MATN2: variants seen among roughly 807,000 people sequenced by gnomAD.
The protein encoded by MATN2 is matrilin 2.
Under a neutral mutation model 103.2 loss-of-function variants are expected in MATN2, and 69 were observed. The observed-to-expected ratio is 0.67, with a 90% CI of 0.55 to 0.82. The LOEUF (loss-of-function observed/expected upper bound fraction) is 0.82, where lower values mean the gene tolerates loss of function less well. Among genes scored for constraint, MATN2 ranks in the 40% least tolerant of loss-of-function variants. MATN2 has a pLI of 0.00. For synonymous variants in MATN2, 429 were observed against 450.2 expected (o/e 0.95, Z 0.60); for missense variants, 1,023 against 1,211.5 (o/e 0.84, Z 2.31).
At chr8:98,002,600 C>T (rs930991630) in intron 7 of MATN2, among the ~76,000 whole-genome samples, 1 of 152,154 alleles carries the variant, frequency 6.6e-6, no homozygotes, top group Non-Finnish European at 1.5e-5. Flanking sequence ...GAGCGTGGCT[C>T]TCACCCCAGC....
At chr8:97,939,249 A>G (rs990295951) in intron 3 of MATN2, among the ~76,000 whole-genome samples, 5 of 152,152 alleles carry the variant, frequency 3.3e-5, no homozygotes, top group Non-Finnish European at 5.9e-5. Flanking sequence ...CTCCTGACTG[A>G]ATGAAACTTA....
At chr8:97,889,694 C>T (rs1054550571) in intron 2 of MATN2, among the ~76,000 whole-genome samples, 77 of 151,978 alleles carry the variant, frequency 5.1e-4, no homozygotes, top group African/African-American at 1.7e-3. Flanking sequence ...TCTGCCATCT[C>T]GACCTCCCAA....
rs373486105 is a variant in MATN2 at position 97,978,982 on chromosome 8, T to G, written c.1055T>G (p.Leu352Arg). The change falls in exon 6 of 19, where the codon CTT becomes CGT. Residue 352 changes from leucine (L) to arginine (R), a missense_variant. Physicochemically the swap from Leu to Arg is moderately radical, Grantham distance 102 (BLOSUM62 -2). Coordinates refer to ENST00000254898, the MANE Select transcript of MATN2 (RefSeq NM_002380.5). ...YLCQCHEGFA[L>R]NPDKKTCTKI... ...TGCCAGTGCCATGAAGGATTTGCTC[T>G]TAACCCAGATAAAAAAACGTGCACA... 5 of 1,612,052 alleles carry G rather than the reference T, an allele frequency of 3.1e-6. No individual in the cohort carries two copies. In the African/African-American group the frequency reaches 6.7e-5, roughly 22 times the overall value.
chr8:97,879,330 TG>T (rs1818177394), intron 1 of MATN2, among the ~76,000 whole-genome samples: 1 of 152,002 alleles, frequency 6.6e-6, no homozygotes, highest in South Asian at 2.1e-4. Context: ...CAAGCCCTAA[TG>T]GGGAGGCTGG....
intron 1 of MATN2, among the ~76,000 whole-genome samples, chr8:97,873,145 A>G (rs923566693): frequency 2.0e-5 from 3 of 152,230 alleles, no homozygotes; most frequent in Admixed American, 2.0e-4. Flanking sequence ...ATTAGGCCAT[A>G]GACATCTTTG....
chr8:98,021,765 G>A (rs1468548204), intron 13 of MATN2, among the ~76,000 whole-genome samples: 2 of 151,462 alleles, frequency 1.3e-5, no homozygotes, highest in Admixed American at 1.3e-4. Context: ...TTCTAAACAT[G>A]ACATGAAATT....
intron 5 of MATN2, among the ~76,000 whole-genome samples, chr8:97,974,901 G>C (rs1227210653): frequency 2.0e-5 from 3 of 152,178 alleles, no homozygotes. Flanking sequence ...ACATATTCCT[G>C]GGTCCCACTC....
At chr8:97,996,111 C>A (rs1335617323) in intron 7 of MATN2, among the ~76,000 whole-genome samples, 1 of 152,200 alleles carries the variant, frequency 6.6e-6, no homozygotes, top group Non-Finnish European at 1.5e-5. Context: ...GTGATTAGAT[C>A]TGGTTCAGCT....
chr8:97,923,572 T>C (rs1471831990), intron 2 of MATN2, among the ~76,000 whole-genome samples: 2 of 151,842 alleles, frequency 1.3e-5, no homozygotes, highest in African/African-American at 4.8e-5. Flanking sequence ...TCTCTTTTTT[T>C]TGAGACGGAG....
intron 2 of MATN2, among the ~76,000 whole-genome samples, chr8:97,889,449 C>G (rs1249082266): frequency 6.5e-5 from 4 of 61,710 alleles, no homozygotes; most frequent in South Asian, 1.6e-3. Flanking sequence ...CTCTCTCTCT[C>G]TCTCTCTGTC....
intron 5 of MATN2, among the ~76,000 whole-genome samples, chr8:97,975,161 T>C (rs1438653496): frequency 1.3e-5 from 2 of 152,248 alleles, no homozygotes; most frequent in Non-Finnish European, 2.9e-5. Context: ...ACAGGTGTTC[T>C]AACTGCCTTG....
chr8:97,979,055 G>A (rs1271156667), intron 6 of MATN2, 47 bp downstream of exon 6: 3 of 1,562,386 alleles, frequency 1.9e-6, no homozygotes, highest in Non-Finnish European at 2.6e-6. Context: ...TGCTGTTACT[G>A]CTGTGGTGAC....
At chr8:97,938,730 T>C (rs113414767) in intron 3 of MATN2, among the ~76,000 whole-genome samples, 3,016 of 152,310 alleles carry the variant, frequency 0.02, 102 homozygotes, top group African/African-American at 0.066. Flanking sequence ...CTGCAAACAC[T>C]GAGTTAGAGA....
At chr8:97,961,734 G>A (rs893482769) in intron 5 of MATN2, among the ~76,000 whole-genome samples, 11 of 152,138 alleles carry the variant, frequency 7.2e-5, no homozygotes, top group Non-Finnish European at 1.2e-4. Context: ...TCTTATTCTG[G>A]GTCTCCAGTA....
intron 6 of MATN2, among the ~76,000 whole-genome samples, chr8:97,981,229 CTTTA>C (rs1812010588): frequency 6.6e-6 from 1 of 151,080 alleles, no homozygotes; most frequent in Non-Finnish European, 1.5e-5. Context: ...GTTTCAAAGA[CTTTA>C]TTTATTATCA....
chr8:97,870,947 T>C (rs1486896696), intron 1 of MATN2, among the ~76,000 whole-genome samples: 2 of 152,226 alleles, frequency 1.3e-5, no homozygotes, highest in Non-Finnish European at 1.5e-5. Context: ...TTTCTGCCAA[T>C]AGAATTCAAT....
intron 6 of MATN2, among the ~76,000 whole-genome samples, chr8:97,991,256 T>C (rs925224413): frequency 6.6e-6 from 1 of 152,152 alleles, no homozygotes; most frequent in Non-Finnish European, 1.5e-5. Flanking sequence ...CGTTTTGTTT[T>C]GTTTGTTAGA....
At chr8:98,024,966 A>T (rs1813735546) in intron 13 of MATN2, 2 of 152,166 alleles carry the variant, frequency 1.3e-5, no homozygotes, top group African/African-American at 4.8e-5. Flanking sequence ...AGCCTTCTGG[A>T]TGCCATTCTA....
rs182368991 is a variant in MATN2, at chr8:97,989,661, A to G, written c.1082-4819A>G. Among the ~76,000 whole-genome samples the G allele has an allele frequency of 5.3e-5, 8 of 152,314 alleles. No homozygotes were observed. The East Asian group carries it at 1.5e-3, about 29-fold the overall frequency. On this transcript the variant is annotated intron_variant, in intron 6 of 18. Transcript: ENST00000254898. ...TGGAAGTTCTAGCCAGTGCAATAAGACAGAGAAAGATCAATAAATGGTACC... is the reference window on the plus strand; with the variant it reads ...TGGAAGTTCTAGCCAGTGCAATAAGGCAGAGAAAGATCAATAAATGGTACC...
Sources: gnomAD v4.1 joint callset for allele counts (sites outside exome capture counted in the v4.1 genomes callset) on GRCh38, gnomAD v4.1.1 for gene constraint, MANE v1.5 for transcripts, NCBI Gene and HGNC (gene_info 2026-07-23, HGNC 2026-07-21) for gene names.